The following CLVS1 variants were observed in gnomAD, a reference collection of about 807,000 sequenced individuals.
CLVS1 encodes clavesin 1, also known as clavesin-1.
Under a neutral mutation model 33.1 loss-of-function variants are expected in CLVS1, and 10 were observed. The ratio of observed to expected loss-of-function variants is 0.30; its 90% confidence interval spans 0.19 to 0.51. CLVS1 has a LOEUF of 0.51. Ranked by LOEUF, CLVS1 falls within the 20% of genes least tolerant of loss-of-function variation. The probability of loss-of-function intolerance (pLI) is 0.97; values close to 1 mark genes in which losing one functional copy is unlikely to be tolerated. For synonymous variants in CLVS1, 163 were observed against 166.1 expected (o/e 0.98, Z 0.14); for missense variants, 343 against 433.4 (o/e 0.79, Z 1.85).
At chr8:61,143,634 C>G (rs528719101) in intron 2 of CLVS1, among the ~76,000 whole-genome samples, 101 of 151,650 alleles carry the variant, frequency 6.7e-4, no homozygotes, top group African/African-American at 2.0e-3. Flanking sequence ...CCTGAATTCT[C>G]TCTCTCAGAG....
At chr8:61,283,053 G>T (rs1437417619), upstream of CLVS1, among the ~76,000 whole-genome samples, 2 of 152,148 alleles carry the variant, frequency 1.3e-5, no homozygotes, top group South Asian at 2.1e-4. Flanking sequence ...GAGGAGTACT[G>T]GTCAGATAGA....
chr8:61,125,115 C>T (rs1471922427), intron 1 of CLVS1, among the ~76,000 whole-genome samples: 4 of 152,106 alleles, frequency 2.6e-5, no homozygotes, highest in South Asian at 4.1e-4. Context: ...GAAATTGAGG[C>T]CTTCCGAGAT....
intron 2 of CLVS1, among the ~76,000 whole-genome samples, chr8:61,269,404 GT>G (rs764914262): frequency 1.3e-5 from 2 of 152,100 alleles, no homozygotes; most frequent in Non-Finnish European, 2.9e-5. Context: ...GTACCATGCT[GT>G]TTTGGTTACT....
At chr8:61,485,910 A>G (rs1325671096) in intron 5 of CLVS1, among the ~76,000 whole-genome samples, 1 of 151,068 alleles carries the variant, frequency 6.6e-6, no homozygotes, top group Admixed American at 6.6e-5. Flanking sequence ...ACACTTGGAC[A>G]TGGGTGGTGG....
intron 2 of CLVS1, among the ~76,000 whole-genome samples, chr8:61,334,417 A>G (rs892714898): frequency 1.3e-5 from 2 of 152,220 alleles, no homozygotes; most frequent in Admixed American, 6.5e-5. Flanking sequence ...GACAAGCAAG[A>G]GGGCCTCTGT....
At chr8:61,131,696 G>C (rs979295914) in intron 1 of CLVS1, 1 of 149,336 alleles carries the variant, frequency 6.7e-6, no homozygotes, top group African/African-American at 2.5e-5. Flanking sequence ...TTTAACCATC[G>C]CTACTCAAGT....
intron 2 of CLVS1, among the ~76,000 whole-genome samples, chr8:61,149,571 A>AAAAAAAAAAAAAAAAAAAAAAAAAAAC (rs1252529979): frequency 6.7e-6 from 1 of 149,862 alleles, no homozygotes; most frequent in African/African-American, 2.5e-5. Context: ...AAAAAAAACA[A>AAAAAAAAAAAAAAAAAAAAAAAAAAAC]AAAACAAAAC....
intron 1 of CLVS1, among the ~76,000 whole-genome samples, chr8:61,091,047 G>A (rs1805237649): frequency 6.6e-6 from 1 of 152,142 alleles, no homozygotes; most frequent in Non-Finnish European, 1.5e-5. Flanking sequence ...TACCTCACAT[G>A]GCAAAAGGGA....
At chr8:61,088,107 G>T (rs1805158491) in intron 1 of CLVS1, among the ~76,000 whole-genome samples, 1 of 152,260 alleles carries the variant, frequency 6.6e-6, no homozygotes, top group Non-Finnish European at 1.5e-5. Flanking sequence ...AATTAATTGT[G>T]TGCTTCACTG....
Position 61,177,780 on chromosome 8 carries a change from C to T in CLVS1, c.-152+45920C>T, listed in dbSNP as rs147755143. 1.1e-4 allele frequency among the ~76,000 whole-genome samples: 17 copies of T among 148,050 alleles called. No individual in the cohort carries two copies. In the East Asian group the frequency reaches 2.2e-3, roughly 19 times the overall value. ...ACTATTGAAAGAAAAACAAACACAA[C>T]GGAAAGAAACAACAACAGCATCAAA... On this transcript the variant is annotated intron_variant, in intron 2 of 2. Coordinates refer to the CLVS1 transcript ENST00000522621.
At chr8:61,178,393 G>T (rs7010431) in intron 2 of CLVS1, among the ~76,000 whole-genome samples, 67,910 of 151,802 alleles carry the variant, frequency 0.45, 16,954 homozygotes, top group Middle Eastern at 0.66. Context: ...CAAGAGATGG[G>T]AAGAATAGAA....
intron 2 of CLVS1, among the ~76,000 whole-genome samples, chr8:61,246,947 C>T (rs1044110010): frequency 1.3e-5 from 2 of 152,102 alleles, no homozygotes; most frequent in African/African-American, 2.4e-5. Flanking sequence ...TTCTGCTCCT[C>T]TCCCTCTTCC....
chr8:61,010,715 TGG>T, the CLVS1 span, among the ~76,000 whole-genome samples: 1 of 152,226 alleles, frequency 6.6e-6, no homozygotes, highest in Non-Finnish European at 1.5e-5. Flanking sequence ...TTAAAGCAGC[TGG>T]TCTCTCTGCC....
chr8:61,197,888 C>CTGTT (rs1807649513), intron 2 of CLVS1, among the ~76,000 whole-genome samples: 1 of 152,218 alleles, frequency 6.6e-6, no homozygotes, highest in Admixed American at 6.5e-5. Flanking sequence ...CCTATAGTCA[C>CTGTT]TGTTCTCTCC....
intron 3 of CLVS1, among the ~76,000 whole-genome samples, chr8:61,399,675 A>C (rs971901582): frequency 6.6e-6 from 1 of 152,156 alleles, no homozygotes; most frequent in Non-Finnish European, 1.5e-5. Flanking sequence ...TGGGTTTTAC[A>C]TTTAAGTCTT....
intron 2 of CLVS1, among the ~76,000 whole-genome samples, chr8:61,154,213 T>A (rs1806605217): frequency 6.6e-6 from 1 of 151,662 alleles, no homozygotes; most frequent in Admixed American, 6.6e-5. Context: ...CTTTTTTTGT[T>A]TTTTTTTGTT....
At chr8:61,073,319 C>A (rs1327610386) in intron 1 of CLVS1, among the ~76,000 whole-genome samples, 2 of 152,196 alleles carry the variant, frequency 1.3e-5, no homozygotes. Context: ...ATGTTCGTAG[C>A]TTTAGGCCTC....
chr8:61,492,352 A>C (rs1189657926), intron 5 of CLVS1, among the ~76,000 whole-genome samples: 2 of 152,182 alleles, frequency 1.3e-5, no homozygotes, highest in African/African-American at 4.8e-5. Flanking sequence ...TTTTGGTACT[A>C]AAAGTCATTA....
At chr8:60,984,783 T>A in the CLVS1 span, among the ~76,000 whole-genome samples, 1 of 152,222 alleles carries the variant, frequency 6.6e-6, no homozygotes, top group Non-Finnish European at 1.5e-5. Flanking sequence ...GCTATTTTTA[T>A]TTTCTTCTTG....
Sources: gnomAD v4.1 joint callset for allele counts (sites outside exome capture counted in the v4.1 genomes callset) on GRCh38, gnomAD v4.1.1 for gene constraint, MANE v1.5 for transcripts, NCBI Gene and HGNC (gene_info 2026-07-23, HGNC 2026-07-21) for gene names.